The following CEP128 variants were observed in gnomAD, a reference collection of about 807,000 sequenced individuals.
CEP128 encodes centrosomal protein 128, also known as centrosomal protein 128kDa.
CEP128 carries 132 observed loss-of-function variants against 156.7 expected under a neutral mutation model. The observed-to-expected ratio is 0.84, with a 90% confidence interval of 0.73 to 0.97. The LOEUF (loss-of-function observed/expected upper bound fraction) is 0.97. CEP128 is among the 50% of genes least tolerant of loss of function. The probability of loss-of-function intolerance (pLI) is 0.00; values close to 1 mark genes in which losing one functional copy is unlikely to be tolerated. For synonymous variants in CEP128, 469 were observed against 448.9 expected (o/e 1.04, Z -0.57); for missense variants, 1,252 against 1,281.9 (o/e 0.98, Z 0.36).
rs1487419986 is a variant in CEP128, at chr14:80,671,279, AATTG to A, written c.2806+71792_2806+71795del. On this transcript the variant is annotated intron_variant, in intron 19 of 24. Coordinates refer to ENST00000555265, the MANE Select transcript of CEP128 (RefSeq NM_152446.5). ...TAGATTTATTAAAGGCAGCCTATTA[AATTG>A]ATTAAGTCTTTTTGAAATAAATACA... Among the ~76,000 whole-genome samples the A allele has an allele frequency of 1.5e-4, 23 of 152,318 alleles. No individual in the cohort carries two copies. The East Asian group carries it at 4.0e-3, about 27-fold the overall frequency.
In CEP128 at chr14:80,734,905, T is replaced by A. The variant is rs144409551; in HGVS notation, c.2806+8170A>T. Among the ~76,000 whole-genome samples, 11 of 150,850 alleles carry A rather than the reference T, an allele frequency of 7.3e-5. No homozygotes were observed. In the East Asian group the frequency reaches 2.0e-3, roughly 27 times the overall value. ...TAACTGAAAACACTATTCATTACAT[T>A]ACATTCAAGAGAATACATTCCTCTT... is the stretch of plus-strand genomic sequence containing the variant. On this transcript the variant is annotated intron_variant, in intron 19 of 24. Coordinates refer to ENST00000555265, the MANE Select transcript of CEP128 (RefSeq NM_152446.5).
rs565265778 is a variant in CEP128 at position 80,556,883 on chromosome 14, G to A, written c.2880+2396C>T. Among the ~76,000 whole-genome samples the A allele has an allele frequency of 1.1e-4, 17 of 152,248 alleles. No homozygotes were observed. The South Asian group carries it at 3.5e-3, about 32-fold the overall frequency. The stretch of plus-strand genomic sequence containing the variant: ...CATATTTGATTTTATGAACTATAAA[G>A]TACTTTATCAGTTGAAGAGTCTACC... On this transcript the variant is annotated intron_variant, in intron 21 of 24. Transcript: ENST00000555265.
intron 19 of CEP128, among the ~76,000 whole-genome samples, chr14:80,705,144 A>G (rs1250219467): frequency 6.6e-6 from 1 of 152,056 alleles, no homozygotes; most frequent in Non-Finnish European, 1.5e-5. Flanking sequence ...AGTAATCAGT[A>G]TTCCTATTTC....
intron 8 of CEP128, among the ~76,000 whole-genome samples, chr14:80,868,002 A>AC (rs1447433211): frequency 3.9e-5 from 6 of 152,162 alleles, no homozygotes; most frequent in African/African-American, 1.4e-4. Context: ...CCCTTATGAG[A>AC]CTATCAGTGA....
intron 24 of CEP128, among the ~76,000 whole-genome samples, chr14:80,500,655 C>T (rs1887691167): frequency 6.6e-6 from 1 of 152,192 alleles, no homozygotes; most frequent in African/African-American, 2.4e-5. Context: ...TCCCACTCCC[C>T]AGAGTCAGCT....
intron 19 of CEP128, among the ~76,000 whole-genome samples, chr14:80,612,536 A>T (rs548062549): frequency 6.6e-6 from 1 of 152,332 alleles, no homozygotes; most frequent in East Asian, 1.9e-4. Flanking sequence ...CAGAATTTCA[A>T]TTCAAGAATA....
At chr14:80,896,316 C>T (rs909040012) in intron 7 of CEP128, among the ~76,000 whole-genome samples, 3 of 152,094 alleles carry the variant, frequency 2.0e-5, no homozygotes, top group South Asian at 2.1e-4. Flanking sequence ...ACAAACAAAT[C>T]GTACAGAAAG....
At chr14:80,680,605 C>T (rs1012224227) in intron 19 of CEP128, among the ~76,000 whole-genome samples, 5 of 152,182 alleles carry the variant, frequency 3.3e-5, no homozygotes, top group African/African-American at 1.2e-4. Flanking sequence ...CCTACCCACA[C>T]TGTGCAGAAA....
At chr14:80,500,909 A>AT (rs1887701835) in intron 24 of CEP128, among the ~76,000 whole-genome samples, 2 of 151,024 alleles carry the variant, frequency 1.3e-5, no homozygotes, top group Non-Finnish European at 3.0e-5. Flanking sequence ...CTTCTTGTTC[A>AT]TTTTTTCCTC....
intron 19 of CEP128, among the ~76,000 whole-genome samples, chr14:80,733,371 TG>T (rs1898373099): frequency 1.3e-5 from 2 of 151,654 alleles, no homozygotes; most frequent in Non-Finnish European, 2.9e-5. Context: ...TGTGTGTGTG[TG>T]TGTGTGTGTG....
intron 19 of CEP128, among the ~76,000 whole-genome samples, chr14:80,694,580 T>G (rs1279285964): frequency 6.6e-6 from 1 of 152,090 alleles, no homozygotes; most frequent in Admixed American, 6.5e-5. Flanking sequence ...TAAAAAAGAA[T>G]GAGTTCATGT....
intron 19 of CEP128, among the ~76,000 whole-genome samples, chr14:80,634,118 T>C (rs1021817845): frequency 6.6e-6 from 1 of 152,230 alleles, no homozygotes; most frequent in Non-Finnish European, 1.5e-5. Flanking sequence ...TTAGATTACA[T>C]CCTACAGAAA....
chr14:80,941,824 A>C (rs568172498), upstream of CEP128: 3 of 152,752 alleles, frequency 2.0e-5, no homozygotes, highest in South Asian at 4.1e-4. Context: ...CCTCATGATC[A>C]AGGAATTACC....
chr14:80,655,043 T>A (rs71416844), intron 19 of CEP128, among the ~76,000 whole-genome samples: 8,541 of 152,220 alleles, frequency 0.056, 278 homozygotes, highest in Non-Finnish European at 0.066. Flanking sequence ...TTTAGTTAGA[T>A]GCCAATTCCT....
chr14:80,760,703 T>C (rs542039881), intron 17 of CEP128, among the ~76,000 whole-genome samples: 1 of 152,206 alleles, frequency 6.6e-6, no homozygotes, highest in African/African-American at 2.4e-5. Flanking sequence ...CAGCAAAACC[T>C]AGAGCTGACA....
intron 23 of CEP128, among the ~76,000 whole-genome samples, chr14:80,505,659 A>G (rs1594922643): frequency 6.6e-6 from 1 of 152,266 alleles, no homozygotes; most frequent in South Asian, 2.1e-4. Flanking sequence ...CCTTCTCCTC[A>G]TGTATTATAT....
At chr14:80,939,053 TA>T (rs988514922) in intron 2 of CEP128, among the ~76,000 whole-genome samples, 14 of 152,194 alleles carry the variant, frequency 9.2e-5, no homozygotes, top group African/African-American at 3.1e-4. Context: ...GTCTCCTTTG[TA>T]AAAGATAAGC....
rs532674924 is a variant in CEP128, at chr14:80,524,007, C to A, written c.3072+2862G>T. ...TGAGTGTGGTTGTATTCCAATAAAA[C>A]TTTATTTACAAAAACAGTTGGCAGG... is the stretch of plus-strand genomic sequence containing the variant. On this transcript the variant is annotated intron_variant, in intron 23 of 24. Coordinates refer to ENST00000555265, the MANE Select transcript of CEP128 (RefSeq NM_152446.5). Among the ~76,000 whole-genome samples the A allele has an allele frequency of 3.3e-5, 5 of 152,292 alleles. No individual in the cohort carries two copies. In the South Asian group the frequency reaches 1.0e-3, roughly 32 times the overall value.
rs77646805 is a variant in CEP128, at chr14:80,526,276, C to T, written c.3072+593G>A. Among the ~76,000 whole-genome samples the T allele has an allele frequency of 8.6e-3, 1,311 of 152,240 alleles. 9 individuals are homozygous for T. Among genetic ancestry groups the T allele is most frequent in the South Asian group, 0.037 (178 of 4,812 alleles). ...CAAGGCTGAGAAACTCTGCTCTAAA[C>T]TGAGAGCTGCCCAAGGTCAAATGGA... On this transcript the variant is annotated intron_variant, in intron 23 of 24. Coordinates refer to ENST00000555265, the MANE Select transcript of CEP128 (RefSeq NM_152446.5).
Sources: gnomAD v4.1 joint callset for allele counts (sites outside exome capture counted in the v4.1 genomes callset) on GRCh38, gnomAD v4.1.1 for gene constraint, MANE v1.5 for transcripts, NCBI Gene and HGNC (gene_info 2026-07-23, HGNC 2026-07-21) for gene names.